COBL: variants seen among roughly 807,000 people sequenced by gnomAD.
The protein encoded by COBL is protein cordon-bleu.
Under a neutral mutation model 98.8 loss-of-function variants are expected in COBL, and 51 were observed. That is an observed-to-expected ratio of 0.52 (90% confidence interval 0.41 to 0.65). The LOEUF (loss-of-function observed/expected upper bound fraction) is 0.65. COBL is among the 30% of genes least tolerant of loss of function. COBL has a pLI of 0.00. For missense variants in COBL, 1,617 were observed against 1,617.5 expected, an observed-to-expected ratio of 1.00 and a Z score of 0.01; for synonymous variants, 634 against 651.7, an observed-to-expected ratio of 0.97 and a Z score of 0.41.
In COBL at chr7:51,187,329, T is replaced by TATAC. The variant is rs199522046; in HGVS notation, c.686-3134_686-3131dup. On this transcript the variant is annotated intron_variant, in intron 4 of 12. Transcript: ENST00000265136. The stretch of plus-strand genomic sequence containing the variant: ...GTTTAAGTATATATATATATATATA[T>TATAC]ATACACACACACACACACACACACA... Among the ~76,000 whole-genome samples the TATAC allele has an allele frequency of 5.7e-3, 806 of 142,406 alleles. 31 individuals are homozygous for TATAC. Among genetic ancestry groups the TATAC allele is most frequent in the Admixed American group, 0.047 (677 of 14,368 alleles). 93.4% of individuals were successfully genotyped at this position (142,406 alleles called of 152,430 possible).
intron 1 of COBL, among the ~76,000 whole-genome samples, chr7:51,245,951 TA>T (rs1190982325): frequency 6.6e-6 from 1 of 152,136 alleles, no homozygotes; most frequent in African/African-American, 2.4e-5. Context: ...TTAGCAAAAA[TA>T]ATATATTATC....
intron 8 of COBL, among the ~76,000 whole-genome samples, chr7:51,042,225 A>G (rs756684598): frequency 2.0e-5 from 3 of 152,234 alleles, no homozygotes; most frequent in Non-Finnish European, 4.4e-5. Flanking sequence ...ATAATATTAG[A>G]ATGTAAAGAC....
Position 51,316,421 on chromosome 7 carries a change from C to CCACCCAACACCAG in COBL, c.41+159_41+171dup. Reference sequence around the variant, plus strand: ...TGCCCAAAGTACACAGCACGCACCACCACCCAACACCAGCACCCAACACCA... The same window carrying CCACCCAACACCAG: ...TGCCCAAAGTACACAGCACGCACCACCACCCAACACCAGCACCCAACACCAGCACCCAACACCA... On this transcript the variant is annotated intron_variant, in intron 1 of 12. Transcript: ENST00000265136. 3 of 415,516 alleles carry CCACCCAACACCAG rather than the reference C, an allele frequency of 7.2e-6. No individual in the cohort carries two copies. In the East Asian group the frequency reaches 1.4e-4, roughly 20 times the overall value. The allele number at this position is 415,516 out of a possible 1,614,324, so 25.7% of individuals were successfully genotyped here. A position where few individuals can be genotyped will look rare whatever the true frequency, so the allele number is the denominator to read the frequency against.
intron 5 of COBL, among the ~76,000 whole-genome samples, chr7:51,142,298 G>A (rs996626706): frequency 2.0e-5 from 3 of 151,932 alleles, no homozygotes; most frequent in African/African-American, 7.2e-5. Context: ...ACAAAATACC[G>A]TGTCACACAA....
At chr7:51,117,763 A>G (rs1334880662) in intron 6 of COBL, among the ~76,000 whole-genome samples, 1 of 152,156 alleles carries the variant, frequency 6.6e-6, no homozygotes, top group Non-Finnish European at 1.5e-5. Context: ...CATATGTTAA[A>G]TAATTTTGGC....
chr7:51,294,972 C>T (rs1195975168), intron 1 of COBL, among the ~76,000 whole-genome samples: 1 of 151,942 alleles, frequency 6.6e-6, no homozygotes, highest in East Asian at 1.9e-4. Context: ...GGACAAATAC[C>T]TAATGCATGA....
At chr7:51,201,267 A>C (rs997511828) in intron 2 of COBL, among the ~76,000 whole-genome samples, 13 of 151,718 alleles carry the variant, frequency 8.6e-5, no homozygotes, top group Non-Finnish European at 1.6e-4. Flanking sequence ...GAAAGAAAGA[A>C]TGAAAGAAAA....
intron 1 of COBL, among the ~76,000 whole-genome samples, chr7:51,295,071 G>A (rs1462318363): frequency 2.0e-5 from 3 of 152,010 alleles, no homozygotes; most frequent in Non-Finnish European, 4.4e-5. Context: ...CAGATCACCT[G>A]AGGTCAGGAG....
intron 8 of COBL, 72 bp downstream of exon 8, chr7:51,043,311 G>T: frequency 6.8e-7 from 1 of 1,466,796 alleles, no homozygotes; most frequent in Non-Finnish European, 9.3e-7. Context: ...TGGATCCCAT[G>T]ACAAAAGACC....
intron 5 of COBL, among the ~76,000 whole-genome samples, chr7:51,180,507 CA>C (rs767053288): frequency 5.9e-5 from 9 of 152,172 alleles, no homozygotes; most frequent in Non-Finnish European, 7.3e-5. Flanking sequence ...AAAGTTCCAG[CA>C]AAGCCAACTA....
chr7:51,243,812 G>T (rs1317173257), intron 1 of COBL, among the ~76,000 whole-genome samples: 1 of 151,762 alleles, frequency 6.6e-6, no homozygotes, highest in South Asian at 2.1e-4. Flanking sequence ...GAGCGGTGCC[G>T]TGTCTGGCCT....
chr7:51,154,704 G>A (rs1301697216), intron 5 of COBL, among the ~76,000 whole-genome samples: 2 of 152,138 alleles, frequency 1.3e-5, no homozygotes, highest in African/African-American at 4.8e-5. Flanking sequence ...CAGGTAAGAG[G>A]AGAGGAATGG....
chr7:51,082,735 C>T (rs1006410816), intron 7 of COBL, among the ~76,000 whole-genome samples: 1 of 152,160 alleles, frequency 6.6e-6, no homozygotes, highest in African/African-American at 2.4e-5. Context: ...ACGGCTGTGC[C>T]GGACAGCTGT....
At chr7:51,312,841 T>G (rs1446652342) in intron 1 of COBL, among the ~76,000 whole-genome samples, 1 of 152,196 alleles carries the variant, frequency 6.6e-6, no homozygotes. Flanking sequence ...AACAAATACC[T>G]TTGTAACAAA....
chr7:51,120,666 CATCCTACTTTTTGTCTCCATG>C (rs1797663631), intron 6 of COBL, among the ~76,000 whole-genome samples: 1 of 152,080 alleles, frequency 6.6e-6, no homozygotes. Flanking sequence ...TGGCAACCAT[CATCCTACTTTTTGTCTCCATG>C]AATCTGACTA....
rs750770329 is a variant in COBL at position 51,028,656 on chromosome 7, T to C, written c.2440A>G (p.Ile814Val). Residue 814 changes from isoleucine to valine, a missense_variant, in exon 10 of 13, where the codon ATA (isoleucine) becomes GTA (valine). Coordinates refer to ENST00000265136, the MANE Select transcript of COBL (RefSeq NM_015198.5). The part of the protein sequence containing the change: ...ESRLQADPKP[I>V]SPQQKSAHHE... ...TGGGCAGACTTCTGCTGGGGCGATA[T>C]TGGCTTGGGGTCTGCTTGGAGTCTG... The C allele has an allele frequency of 6.8e-6, 11 of 1,613,036 alleles. No individual in the cohort carries two copies. Among genetic ancestry groups the C allele is most frequent in the East Asian group, 2.2e-5 (1 of 44,856 alleles).
intron 1 of COBL, among the ~76,000 whole-genome samples, chr7:51,306,966 C>G (rs1802532346): frequency 1.3e-5 from 2 of 152,178 alleles, no homozygotes; most frequent in Admixed American, 1.3e-4. Flanking sequence ...CTCCGTGCTT[C>G]AATGTGGCCT....
At position 51,233,646 on chromosome 7, in the gene COBL, C is replaced by T. The variant is rs555989988; in HGVS notation, c.42-13702G>A. On this transcript the variant is annotated intron_variant, in intron 1 of 12. Transcript: ENST00000265136. ...CAGTGAAATCTGACTAGCCCGCTCT[C>T]CACACAGCGCATAACTGATTGGAAC... Among the ~76,000 whole-genome samples, 12 of 152,314 alleles carry T rather than the reference C, an allele frequency of 7.9e-5. No individual in the cohort carries two copies. The South Asian group carries it at 2.5e-3, about 32-fold the overall frequency.
intron 1 of COBL, among the ~76,000 whole-genome samples, chr7:51,288,838 A>G (rs1156288587): frequency 1.7e-5 from 2 of 117,920 alleles, no homozygotes; most frequent in South Asian, 2.5e-4. Context: ...TTCAAGATGG[A>G]TATCTATGGA....
Sources: gnomAD v4.1 joint callset for allele counts (sites outside exome capture counted in the v4.1 genomes callset) on GRCh38, gnomAD v4.1.1 for gene constraint, MANE v1.5 for transcripts, NCBI Gene and HGNC (gene_info 2026-07-23, HGNC 2026-07-21) for gene names.